The following ATRNL1 variants were observed in gnomAD, a reference collection of about 807,000 sequenced individuals.
ATRNL1 encodes attractin-like protein 1.
ATRNL1 carries 95 observed loss-of-function variants against 182.7 expected under a neutral mutation model. The observed-to-expected ratio is 0.52, with a 90% confidence interval of 0.44 to 0.62. The LOEUF is 0.62. Among genes scored for constraint, ATRNL1 ranks in the 20% least tolerant of loss-of-function variants. The probability of loss-of-function intolerance (pLI) is 0.00; values close to 1 mark genes in which losing one functional copy is unlikely to be tolerated. For missense variants in ATRNL1, 1,471 were observed against 1,679.5 expected, an observed-to-expected ratio of 0.88 and a Z score of 2.17; for synonymous variants, 576 against 568.3, an observed-to-expected ratio of 1.01 and a Z score of -0.19.
intron 25 of ATRNL1, among the ~76,000 whole-genome samples, chr10:115,534,691 C>T (rs1554989646): frequency 6.6e-6 from 1 of 152,054 alleles, no homozygotes; most frequent in Non-Finnish European, 1.5e-5. Flanking sequence ...GATGCAGTTT[C>T]TTCCTAGTCT....
chr10:115,351,072 C>G (rs1417862803), intron 19 of ATRNL1, among the ~76,000 whole-genome samples: 1 of 152,076 alleles, frequency 6.6e-6, no homozygotes, highest in Non-Finnish European at 1.5e-5. Flanking sequence ...TACAGAAATG[C>G]TACTGAATTT....
At chr10:115,124,461 A>G (rs79490635) in intron 3 of ATRNL1, among the ~76,000 whole-genome samples, 188 of 152,272 alleles carry the variant, frequency 1.2e-3, no homozygotes, top group African/African-American at 4.2e-3. Flanking sequence ...GCACATCAAC[A>G]TGTATCACCA....
At chr10:115,422,359 G>A (rs534140522) in intron 20 of ATRNL1, among the ~76,000 whole-genome samples, 11 of 151,906 alleles carry the variant, frequency 7.2e-5, no homozygotes, top group Non-Finnish European at 8.8e-5. Context: ...ACGAACAACC[G>A]CATTAAAAAG....
chr10:115,718,654 A>C (rs1475633551), intron 26 of ATRNL1, among the ~76,000 whole-genome samples: 4 of 152,178 alleles, frequency 2.6e-5, no homozygotes, highest in African/African-American at 9.7e-5. Flanking sequence ...TTTATAGGTA[A>C]TGCTATCTGT....
chr10:115,409,286 TTGGTTATA>T, intron 20 of ATRNL1, among the ~76,000 whole-genome samples: 1 of 152,300 alleles, frequency 6.6e-6, no homozygotes, highest in Non-Finnish European at 1.5e-5. Context: ...TTTCACCTCC[TTGGTTATA>T]TTTATTTCTA....
intron 20 of ATRNL1, among the ~76,000 whole-genome samples, chr10:115,423,484 C>T (rs996323207): frequency 6.6e-6 from 1 of 152,084 alleles, no homozygotes; most frequent in African/African-American, 2.4e-5. Flanking sequence ...GCTGAGATTG[C>T]ACCACTGTAT....
chr10:115,913,290 AG>A (rs1952741909), intron 28 of ATRNL1, among the ~76,000 whole-genome samples: 1 of 152,166 alleles, frequency 6.6e-6, no homozygotes, highest in Non-Finnish European at 1.5e-5. Context: ...CACAGTCCTG[AG>A]TCCTTTGATC....
chr10:115,535,791 G>T (rs1554990031), intron 25 of ATRNL1, among the ~76,000 whole-genome samples: 1 of 152,098 alleles, frequency 6.6e-6, no homozygotes, highest in Non-Finnish European at 1.5e-5. Flanking sequence ...TTTTCGGTGT[G>T]GATGTCCTTT....
At chr10:115,332,820 A>G (rs1554935451) in intron 18 of ATRNL1, among the ~76,000 whole-genome samples, 2 of 141,104 alleles carry the variant, frequency 1.4e-5, no homozygotes, top group South Asian at 2.3e-4. Context: ...GCTATTTAAT[A>G]TCTGTTTTTT....
rs76401186 is a variant in ATRNL1 at position 115,628,314 on chromosome 10, T to C, written c.3795+78778T>C. ...GTGAGGGCGTATCTCATTTTGGTTA[T>C]CCCTAATAACTAATAATGTTGAACA... is the stretch of plus-strand genomic sequence containing the variant. On this transcript the variant is annotated intron_variant, in intron 26 of 28. Transcript: ENST00000355044. Among the ~76,000 whole-genome samples the C allele has an allele frequency of 9.9e-3, 1,505 of 152,300 alleles. 18 individuals are homozygous for C. The highest frequency in any genetic ancestry group is 0.033 in the African/African-American group (1,382 of 41,574).
chr10:115,130,167 T>G (rs1845167209), intron 5 of ATRNL1, among the ~76,000 whole-genome samples: 1 of 152,114 alleles, frequency 6.6e-6, no homozygotes, highest in Non-Finnish European at 1.5e-5. Flanking sequence ...ATTATGAAAT[T>G]AAGAGATATG....
At chr10:115,934,947 G>T (rs1555122533) in intron 28 of ATRNL1, among the ~76,000 whole-genome samples, 3 of 152,060 alleles carry the variant, frequency 2.0e-5, no homozygotes, top group African/African-American at 7.2e-5. Context: ...TGCTGATTTT[G>T]TAGTTTCCAG....
At chr10:115,830,769 A>C (rs1390491578) in intron 27 of ATRNL1, among the ~76,000 whole-genome samples, 2 of 152,122 alleles carry the variant, frequency 1.3e-5, no homozygotes, top group Non-Finnish European at 2.9e-5. Flanking sequence ...ACCTCAACCA[A>C]AGCTCAGCGG....
chr10:115,834,206 A>G (rs1950618577), intron 27 of ATRNL1, among the ~76,000 whole-genome samples: 2 of 152,276 alleles, frequency 1.3e-5, no homozygotes, highest in South Asian at 4.1e-4. Flanking sequence ...CTGAGGTTAT[A>G]TACTCTTATT....
intron 9 of ATRNL1, among the ~76,000 whole-genome samples, chr10:115,239,834 C>G (rs1382564750): frequency 6.6e-6 from 1 of 152,072 alleles, no homozygotes; most frequent in African/African-American, 2.4e-5. Context: ...GGAAGAGCAC[C>G]CAGACCTCTC....
At chr10:115,551,328 AT>A (rs1326282136) in intron 26 of ATRNL1, among the ~76,000 whole-genome samples, 2 of 151,622 alleles carry the variant, frequency 1.3e-5, no homozygotes, top group African/African-American at 4.8e-5. Flanking sequence ...TACTACTTCA[AT>A]TTTTAAAATA....
Position 115,378,945 on chromosome 10 carries a change from A to T in ATRNL1, c.3176-15714A>T, listed in dbSNP as rs147572536. ...TGATGATGCAAGCAAGGAAATAATGATATAGCAAGGGATGGGCATAGGAAC... is the reference window on the plus strand; with the variant it reads ...TGATGATGCAAGCAAGGAAATAATGTTATAGCAAGGGATGGGCATAGGAAC... On this transcript the variant is annotated intron_variant, in intron 19 of 28. Transcript: ENST00000355044. Among the ~76,000 whole-genome samples the T allele has an allele frequency of 3.2e-3, 485 of 152,330 alleles. 2 individuals carry two copies. Among genetic ancestry groups the T allele is most frequent in the African/African-American group, 0.011 (467 of 41,568 alleles).
intron 24 of ATRNL1, among the ~76,000 whole-genome samples, chr10:115,493,895 T>A (rs1592736527): frequency 6.6e-6 from 1 of 152,236 alleles, no homozygotes; most frequent in East Asian, 1.9e-4. Flanking sequence ...TTATGCTTCT[T>A]GGCCACATGT....
At chr10:115,200,887 CTGT>C (rs1554892190) in intron 8 of ATRNL1, among the ~76,000 whole-genome samples, 1 of 150,050 alleles carries the variant, frequency 6.7e-6, no homozygotes, top group African/African-American at 2.5e-5. Context: ...TCTCCAGCAC[CTGT>C]TGTTTTCTGA....
Sources: allele counts gnomAD v4.1 joint callset (sites outside exome capture counted in the v4.1 genomes callset), GRCh38; gene constraint gnomAD v4.1.1; transcripts MANE v1.5; gene names NCBI Gene and HGNC (gene_info 2026-07-23, HGNC 2026-07-21).